Variants in COL5A2 observed in about 807,000 individuals in gnomAD.
COL5A2 encodes the protein collagen type V alpha 2 chain, also known as collagen alpha-2(V) chain.
Under a neutral mutation model 208.2 loss-of-function variants are expected in COL5A2, and 23 were observed. The ratio of observed to expected loss-of-function variants is 0.11; its 90% CI spans 0.08 to 0.16. COL5A2 has a LOEUF of 0.16. Among genes scored for constraint, COL5A2 ranks in the 10% least tolerant of loss-of-function variants. The probability of loss-of-function intolerance (pLI) is 1.00; values close to 1 mark genes in which losing one functional copy is unlikely to be tolerated. For missense variants in COL5A2, 1,590 were observed against 1,956.4 expected, an observed-to-expected ratio of 0.81 and a Z score of 3.53; for synonymous variants, 625 against 628.5, an observed-to-expected ratio of 0.99 and a Z score of 0.08.
chr2:189,234,402 C>T, the COL5A2 span, among the ~76,000 whole-genome samples: 1 of 151,730 alleles, frequency 6.6e-6, no homozygotes, highest in Non-Finnish European at 1.5e-5. Context: ...ATGAATTTCC[C>T]ATTCAAGAAT....
chr2:189,109,485 T>C (rs1687217070), intron 2 of COL5A2, among the ~76,000 whole-genome samples: 1 of 152,142 alleles, frequency 6.6e-6, no homozygotes, highest in Non-Finnish European at 1.5e-5. Flanking sequence ...GCCTTGATAT[T>C]GTCTTGACAA....
At chr2:189,244,222 G>A in the COL5A2 span, among the ~76,000 whole-genome samples, 2 of 152,192 alleles carry the variant, frequency 1.3e-5, no homozygotes, top group African/African-American at 4.8e-5. Flanking sequence ...TTTCTCTTCA[G>A]AAAATGGGAT....
the COL5A2 span, among the ~76,000 whole-genome samples, chr2:189,269,769 A>G: frequency 4.6e-5 from 7 of 152,094 alleles, no homozygotes; most frequent in African/African-American, 1.7e-4. Context: ...GTTAGGGAGG[A>G]TTCCCTCTTT....
intron 47 of COL5A2, 106 bp downstream of exon 47, chr2:189,045,073 C>A: frequency 2.9e-6 from 2 of 678,828 alleles, no homozygotes; most frequent in Non-Finnish European, 4.8e-6. Context: ...TTTGTTCAAG[C>A]TTGAGGAATT....
In COL5A2 at chr2:189,221,388, T is replaced by C. The variant is rs577863625; in HGVS notation, c.-42+3760A>G. On this transcript the variant is annotated intron_variant, in intron 1 of 10. Transcript: ENST00000649966. Reference sequence around the variant, plus strand: ...TGGAAATGGATAAAGACCTAGATAATTGTATCCTGTGCTGGTAATAAAGCT... The same window carrying C: ...TGGAAATGGATAAAGACCTAGATAACTGTATCCTGTGCTGGTAATAAAGCT... Among the ~76,000 whole-genome samples the C allele has an allele frequency of 1.4e-4, 21 of 152,246 alleles. 1 individual carries two copies. Among genetic ancestry groups the C allele is most frequent in the African/African-American group, 4.8e-4 (20 of 41,562 alleles).
chr2:189,313,582 A>C, the COL5A2 span, among the ~76,000 whole-genome samples: 1 of 152,238 alleles, frequency 6.6e-6, no homozygotes, highest in Non-Finnish European at 1.5e-5. Context: ...GATCAAATCC[A>C]CACATATCAA....
At chr2:189,395,639 C>A in the COL5A2 span, among the ~76,000 whole-genome samples, 1 of 151,958 alleles carries the variant, frequency 6.6e-6, no homozygotes, top group African/African-American at 2.4e-5. Flanking sequence ...CATGGTGGCT[C>A]ACACCTGTAA....
At chr2:189,228,841 A>C (rs977116519), upstream of COL5A2, among the ~76,000 whole-genome samples, 7 of 151,902 alleles carry the variant, frequency 4.6e-5, no homozygotes, top group African/African-American at 1.7e-4. Flanking sequence ...TACCAAACCT[A>C]GAGAAAGACA....
At chr2:189,235,914 T>C in the COL5A2 span, among the ~76,000 whole-genome samples, 59 of 151,394 alleles carry the variant, frequency 3.9e-4, no homozygotes, top group Non-Finnish European at 2.2e-4. Context: ...AGAAACAATG[T>C]GGTTTATGCT....
At chr2:189,268,732 A>C in the COL5A2 span, among the ~76,000 whole-genome samples, 1 of 152,070 alleles carries the variant, frequency 6.6e-6, no homozygotes, top group East Asian at 1.9e-4. Flanking sequence ...ATATGCCACT[A>C]TTAGTGTCTA....
chr2:189,380,891 A>T, the COL5A2 span, among the ~76,000 whole-genome samples: 1 of 152,008 alleles, frequency 6.6e-6, no homozygotes, highest in African/African-American at 2.4e-5. Flanking sequence ...CTCAGAGAAT[A>T]TAATATCTCT....
chr2:189,411,806 C>T, the COL5A2 span, among the ~76,000 whole-genome samples: 1 of 152,030 alleles, frequency 6.6e-6, no homozygotes, highest in African/African-American at 2.4e-5. Context: ...CAAAACTTGG[C>T]ATTTATAGGA....
the COL5A2 span, chr2:189,311,828 T>A: frequency 7.9e-7 from 1 of 1,267,508 alleles, no homozygotes; most frequent in Non-Finnish European, 1.1e-6. Context: ...TTTGGGGGCA[T>A]CTACCTCCAC....
the COL5A2 span, among the ~76,000 whole-genome samples, chr2:189,345,070 T>G: frequency 6.6e-6 from 1 of 152,160 alleles, no homozygotes; most frequent in African/African-American, 2.4e-5. Context: ...AAAGAGGAGT[T>G]GGTCAACAGG....
chr2:189,277,045 T>C, the COL5A2 span, among the ~76,000 whole-genome samples: 7 of 152,132 alleles, frequency 4.6e-5, no homozygotes, highest in African/African-American at 1.7e-4. Flanking sequence ...GCATCAACTA[T>C]AAAACTTTGG....
upstream of COL5A2, among the ~76,000 whole-genome samples, chr2:189,181,837 TA>T (rs1416547434): frequency 6.6e-6 from 1 of 152,216 alleles, no homozygotes; most frequent in Non-Finnish European, 1.5e-5. Context: ...ATGGCTTATA[TA>T]AGAAAGGTTA....
intron 24 of COL5A2, 119 bp downstream of exon 24, chr2:189,064,885 G>T: frequency 1.0e-6 from 1 of 991,646 alleles, no homozygotes; most frequent in Non-Finnish European, 1.6e-6. Flanking sequence ...CCTGGTATTT[G>T]TATCCATCTC....
the COL5A2 span, among the ~76,000 whole-genome samples, chr2:189,398,458 T>G: frequency 1.3e-5 from 2 of 152,174 alleles, no homozygotes; most frequent in African/African-American, 4.8e-5. Context: ...TTGATACATA[T>G]AATATGGAAA....
the COL5A2 span, among the ~76,000 whole-genome samples, chr2:189,234,392 A>G: frequency 6.6e-5 from 10 of 151,794 alleles, no homozygotes; most frequent in Non-Finnish European, 1.5e-4. Context: ...TTTTCACACC[A>G]TGAATTTCCC....
Sources: gnomAD v4.1 joint callset for allele counts (sites outside exome capture counted in the v4.1 genomes callset) on GRCh38, gnomAD v4.1.1 for gene constraint, MANE v1.5 for transcripts, NCBI Gene and HGNC (gene_info 2026-07-23, HGNC 2026-07-21) for gene names.